Variants in TENM1 observed in about 807,000 individuals in gnomAD.
The protein encoded by TENM1 is teneurin transmembrane protein 1.
In TENM1, 35 loss-of-function variants were observed where a neutral mutation model predicts 174.8. That is an observed-to-expected ratio of 0.20 (90% CI 0.15 to 0.27). The LOEUF is 0.27. Ranked by LOEUF, TENM1 falls within the 10% of genes least tolerant of loss-of-function variation. The pLI is 1.00. For missense variants in TENM1, 1,633 were observed against 2,130.1 expected (o/e 0.77, Z 4.59); for synonymous variants, 781 against 798.7 (o/e 0.98, Z 0.37).
At chrX:124,472,563 C>G (rs2061347968) in intron 22 of TENM1, among the ~76,000 whole-genome samples, 1 of 110,420 alleles carries the variant, frequency 9.1e-6, no homozygotes, top group East Asian at 2.8e-4. Context: ...CTTCTTTACT[C>G]TATTTCCAGC....
At chrX:124,849,516 C>G (rs1285536415) in intron 3 of TENM1, among the ~76,000 whole-genome samples, 1 of 102,830 alleles carries the variant, frequency 9.7e-6, no homozygotes, top group East Asian at 2.9e-4. Flanking sequence ...AACTGGAGAA[C>G]AGTCTCTAGT....
chrX:124,598,652 T>C (rs1360680633), intron 11 of TENM1, among the ~76,000 whole-genome samples: 1 of 111,443 alleles, frequency 9.0e-6, no homozygotes, highest in East Asian at 2.8e-4. Flanking sequence ...AAGACAAACA[T>C]TGCACTTGCT....
chrX:124,379,200 A>G (rs2060130980), exon 32 of TENM1: 1 of 112,367 alleles, frequency 8.9e-6, no homozygotes, highest in Non-Finnish European at 1.9e-5. Flanking sequence ...CCGTCCTGGA[A>G]AATAGTTATT....
chrX:124,520,417 A>G, intron 18 of TENM1, 100 bp downstream of exon 21: 1 of 903,368 alleles, frequency 1.1e-6, no homozygotes, highest in Middle Eastern at 3.0e-4. Context: ...TTTAAACAGA[A>G]GAAAATCAGT....
At chrX:124,539,314 G>A (rs947472805) in intron 15 of TENM1, among the ~76,000 whole-genome samples, 2 of 111,103 alleles carry the variant, frequency 1.8e-5, no homozygotes, top group Non-Finnish European at 3.8e-5. Context: ...CCTCAGAGAG[G>A]TGTCCCTGGG....
chrX:124,472,127 T>C (rs2061340081), intron 22 of TENM1, among the ~76,000 whole-genome samples: 1 of 108,087 alleles, frequency 9.3e-6, no homozygotes, highest in Non-Finnish European at 1.9e-5. Flanking sequence ...ATGCCACTTA[T>C]ACCCACCCAG....
chrX:124,605,963 T>G (rs1209313327), intron 11 of TENM1, among the ~76,000 whole-genome samples: 1 of 112,007 alleles, frequency 8.9e-6, no homozygotes, highest in Admixed American at 9.5e-5. Flanking sequence ...TTTTCAGTAT[T>G]GAAATGGAAA....
chrX:125,198,651 C>T, the TENM1 span, among the ~76,000 whole-genome samples: 1 of 111,422 alleles, frequency 9.0e-6, no homozygotes, highest in Non-Finnish European at 1.9e-5. Flanking sequence ...ATTCCCCAGC[C>T]TTTTACAGCA....
intron 11 of TENM1, among the ~76,000 whole-genome samples, chrX:124,635,280 C>T (rs1173163015): frequency 1.8e-5 from 2 of 111,986 alleles, no homozygotes; most frequent in Admixed American, 9.4e-5. Context: ...TGCACACCCA[C>T]ACATATACTG....
At chrX:124,656,982 T>G (rs2051461995) in intron 6 of TENM1, among the ~76,000 whole-genome samples, 1 of 110,541 alleles carries the variant, frequency 9.0e-6, no homozygotes, top group Admixed American at 9.7e-5. Context: ...TTCCAAAAAT[T>G]TCTGTATTAA....
the TENM1 span, among the ~76,000 whole-genome samples, chrX:125,087,879 T>C: frequency 1.7e-4 from 19 of 111,794 alleles, no homozygotes; most frequent in East Asian, 5.1e-3. Context: ...GAGGCAAATA[T>C]CCTGTGAAGC....
chrX:124,990,766 G>A, the TENM1 span, among the ~76,000 whole-genome samples: 27,467 of 111,222 alleles, frequency 0.25, 3,578 homozygotes, highest in African/African-American at 0.51. Flanking sequence ...TTAATTTATC[G>A]ATTGTCCAGC....
At chrX:124,591,240 A>G (rs775974896) in intron 11 of TENM1, among the ~76,000 whole-genome samples, 14 of 111,459 alleles carry the variant, frequency 1.3e-4, no homozygotes, top group African/African-American at 4.2e-4. Context: ...TTCAAGGTAA[A>G]TATTGACATG....
chrX:124,452,939 A>C (rs2061059395), intron 23 of TENM1, among the ~76,000 whole-genome samples: 2 of 110,001 alleles, frequency 1.8e-5, no homozygotes, highest in African/African-American at 6.6e-5. Flanking sequence ...GCAGCACACC[A>C]ACATGGCACA....
chrX:124,594,013 G>A, intron 11 of TENM1, among the ~76,000 whole-genome samples: 1 of 112,382 alleles, frequency 8.9e-6, no homozygotes, highest in Non-Finnish European at 1.9e-5. Context: ...GATTAAAAAT[G>A]GCATCTGGCT....
the TENM1 span, among the ~76,000 whole-genome samples, chrX:124,977,985 A>T: frequency 0.086 from 5,995 of 69,323 alleles, 337 homozygotes; most frequent in Non-Finnish European, 0.12. Flanking sequence ...AGAGAGAGAG[A>T]GAGAGAGAGA....
chrX:124,463,336 A>G (rs1443322736), intron 22 of TENM1, among the ~76,000 whole-genome samples: 1 of 112,123 alleles, frequency 8.9e-6, no homozygotes, highest in Non-Finnish European at 1.9e-5. Flanking sequence ...AGCCAATGAA[A>G]TGAAAGGACT....
intron 14 of TENM1, among the ~76,000 whole-genome samples, chrX:124,560,222 T>C (rs2048785908): frequency 9.3e-6 from 1 of 107,701 alleles, no homozygotes; most frequent in Non-Finnish European, 1.9e-5. Flanking sequence ...TGTGTGTGTG[T>C]GTGTGTGTGT....
the TENM1 span, among the ~76,000 whole-genome samples, chrX:125,078,463 G>A: frequency 5.4e-5 from 6 of 111,520 alleles, no homozygotes; most frequent in African/African-American, 1.9e-4. Flanking sequence ...CAATAAAAGA[G>A]ATGAAATAAA....
Sources: allele counts gnomAD v4.1 joint callset (sites outside exome capture counted in the v4.1 genomes callset), GRCh38; gene constraint gnomAD v4.1.1; transcripts MANE v1.5; gene names NCBI Gene and HGNC (gene_info 2026-07-23, HGNC 2026-07-21).